The following PPFIA2 variants were observed in gnomAD, a reference collection of about 807,000 sequenced individuals.
The protein encoded by PPFIA2 is PPFI scaffold protein A2.
In PPFIA2, 46 loss-of-function variants were observed where a neutral mutation model predicts 175.5. The ratio of observed to expected loss-of-function variants is 0.26; its 90% confidence interval spans 0.21 to 0.34. The LOEUF (loss-of-function observed/expected upper bound fraction) is 0.34, where lower values mean the gene tolerates loss of function less well. Ranked by LOEUF, PPFIA2 falls within the 10% of genes least tolerant of loss-of-function variation. The probability of loss-of-function intolerance (pLI) is 1.00; values close to 1 mark genes in which losing one functional copy is unlikely to be tolerated. For missense variants in PPFIA2, 1,179 were observed against 1,506.1 expected (o/e 0.78, Z 3.60); for synonymous variants, 568 against 511.4 (o/e 1.11, Z -1.49).
chr12:81,267,784 T>C (rs2037752631), intron 29 of PPFIA2, 128 bp downstream of exon 29: 4 of 695,660 alleles, frequency 5.7e-6, no homozygotes, highest in Non-Finnish European at 8.7e-6. Flanking sequence ...AAAACCCCAG[T>C]GACATATTTC....
chr12:81,617,282 C>T (rs1028434357), intron 4 of PPFIA2, among the ~76,000 whole-genome samples: 1 of 152,164 alleles, frequency 6.6e-6, no homozygotes, highest in Non-Finnish European at 1.5e-5. Flanking sequence ...CCAAAATTAT[C>T]TTTTCACATT....
chr12:81,492,564 G>T (rs1405078537), intron 4 of PPFIA2, among the ~76,000 whole-genome samples: 2 of 152,014 alleles, frequency 1.3e-5, no homozygotes, highest in Non-Finnish European at 2.9e-5. Context: ...TTTGAGCAAA[G>T]GCCTAAAGAC....
chr12:81,332,873 T>C (rs1424403890), intron 21 of PPFIA2, among the ~76,000 whole-genome samples: 1 of 152,216 alleles, frequency 6.6e-6, no homozygotes, highest in Admixed American at 6.5e-5. Flanking sequence ...GACAACTACA[T>C]GATCCTCACA....
chr12:81,480,966 G>A (rs1289817256), intron 4 of PPFIA2, among the ~76,000 whole-genome samples: 3 of 152,150 alleles, frequency 2.0e-5, no homozygotes, highest in Non-Finnish European at 4.4e-5. Context: ...GTTTGCAGAT[G>A]ACATAATTGT....
intron 22 of PPFIA2, among the ~76,000 whole-genome samples, chr12:81,314,870 TA>T (rs2051913175): frequency 7.8e-6 from 1 of 128,472 alleles, no homozygotes; most frequent in African/African-American, 3.3e-5. Flanking sequence ...AATAAATAAA[TA>T]TTTTTTTTAA....
chr12:81,407,860 A>C (rs2043210715), intron 7 of PPFIA2, among the ~76,000 whole-genome samples: 1 of 152,320 alleles, frequency 6.6e-6, no homozygotes, highest in South Asian at 2.1e-4. Flanking sequence ...AGCACTCAAT[A>C]AAGTTTATTA....
intron 22 of PPFIA2, among the ~76,000 whole-genome samples, chr12:81,322,901 T>G (rs2053973904): frequency 6.6e-6 from 1 of 152,152 alleles, no homozygotes; most frequent in Non-Finnish European, 1.5e-5. Flanking sequence ...AACTAATGCC[T>G]GGATCAGAAA....
At chr12:81,668,582 C>T (rs778216333) in intron 4 of PPFIA2, among the ~76,000 whole-genome samples, 11 of 152,064 alleles carry the variant, frequency 7.2e-5, no homozygotes, top group Non-Finnish European at 1.5e-4. Flanking sequence ...GGTCCACCCT[C>T]ATTTGGCTAA....
chr12:81,283,071 C>G (rs2042435688), intron 25 of PPFIA2, 32 bp from the exon 26 acceptor site: 20 of 1,606,550 alleles, frequency 1.2e-5, no homozygotes, highest in Non-Finnish European at 1.6e-5. Flanking sequence ...ATTAATAAAG[C>G]AGGTAAATAT....
intron 8 of PPFIA2, among the ~76,000 whole-genome samples, chr12:81,388,931 G>A (rs931345275): frequency 6.6e-6 from 1 of 151,238 alleles, no homozygotes; most frequent in Non-Finnish European, 1.5e-5. Context: ...TACCAAGCAG[G>A]TACCAAGCAT....
chr12:81,387,350 A>G (rs2039204822), intron 8 of PPFIA2, among the ~76,000 whole-genome samples: 1 of 152,156 alleles, frequency 6.6e-6, no homozygotes, highest in East Asian at 1.9e-4. Context: ...ACAATATTGC[A>G]TAGTTCATGA....
intron 4 of PPFIA2, among the ~76,000 whole-genome samples, chr12:81,478,030 A>T (rs987334405): frequency 6.6e-6 from 1 of 152,006 alleles, no homozygotes; most frequent in African/African-American, 2.4e-5. Context: ...CTGTGAATCC[A>T]TCTTGTCCTG....
chr12:81,722,304 T>C (rs892830052), intron 3 of PPFIA2, among the ~76,000 whole-genome samples: 14 of 151,148 alleles, frequency 9.3e-5, no homozygotes, highest in Admixed American at 4.6e-4. Context: ...ATGACAATCA[T>C]CATTAAGAAC....
At chr12:81,365,984 CCCTTCCTTCCTTCCTTCCTT>C (rs1227188576) in intron 14 of PPFIA2, among the ~76,000 whole-genome samples, 3 of 42,076 alleles carry the variant, frequency 7.1e-5, no homozygotes, top group African/African-American at 3.7e-4. Flanking sequence ...CTCCCTCCCT[CCCTTCCTTCCTTCCTTCCTT>C]CCTTCCTTCC....
chr12:81,677,728 C>A (rs769031729), intron 3 of PPFIA2, among the ~76,000 whole-genome samples: 1 of 151,856 alleles, frequency 6.6e-6, no homozygotes, highest in South Asian at 2.1e-4. Flanking sequence ...ATAAAGAGAT[C>A]GATTTTTAAC....
intron 4 of PPFIA2, among the ~76,000 whole-genome samples, chr12:81,566,530 CA>C (rs3075452): frequency 0.31 from 21,611 of 68,620 alleles, 648 homozygotes; most frequent in South Asian, 0.38. Flanking sequence ...GACTCCAACT[CA>C]AAAAAAAAAA....
At chr12:81,743,069 G>A (rs1283408626) in intron 3 of PPFIA2, among the ~76,000 whole-genome samples, 5 of 152,066 alleles carry the variant, frequency 3.3e-5, no homozygotes, top group Non-Finnish European at 7.4e-5. Context: ...CTGAACCCAG[G>A]AGTTGATTCA....
chr12:81,662,934 A>G (rs1013512267), intron 4 of PPFIA2, among the ~76,000 whole-genome samples: 6 of 152,232 alleles, frequency 3.9e-5, no homozygotes, highest in South Asian at 2.1e-4. Flanking sequence ...GCATATAAAC[A>G]GAACCAACAA....
At chr12:81,439,025 A>G (rs1176203808) in intron 7 of PPFIA2, among the ~76,000 whole-genome samples, 1 of 151,946 alleles carries the variant, frequency 6.6e-6, no homozygotes, top group Non-Finnish European at 1.5e-5. Context: ...TTATATTAGT[A>G]TGTCCAATAC....
Sources: allele counts gnomAD v4.1 joint callset (sites outside exome capture counted in the v4.1 genomes callset), GRCh38; gene constraint gnomAD v4.1.1; transcripts MANE v1.5; gene names NCBI Gene and HGNC (gene_info 2026-07-23, HGNC 2026-07-21).